Variants in ITPR2 observed in about 807,000 individuals in gnomAD.
ITPR2 encodes inositol 1,4,5-trisphosphate receptor type 2.
A neutral mutation model predicts 317.1 loss-of-function variants in ITPR2; 207 were observed. That is an observed-to-expected ratio of 0.65 (90% CI 0.58 to 0.73). The LOEUF (loss-of-function observed/expected upper bound fraction) is 0.73. ITPR2 is among the 30% of genes least tolerant of loss of function. The pLI is 0.00. For missense variants in ITPR2, 2,613 were observed against 3,284.0 expected (o/e 0.80, Z 4.99); for synonymous variants, 1,156 against 1,149.1 (o/e 1.01, Z -0.12).
At chr12:26,496,516 T>C (rs1490534664) in intron 37 of ITPR2, among the ~76,000 whole-genome samples, 1 of 152,232 alleles carries the variant, frequency 6.6e-6, no homozygotes, top group Non-Finnish European at 1.5e-5. Context: ...TCCTCCAGCC[T>C]GAACCTTGCT....
chr12:26,368,067 G>C (rs538905035), intron 55 of ITPR2, among the ~76,000 whole-genome samples: 1 of 152,300 alleles, frequency 6.6e-6, no homozygotes, highest in East Asian at 1.9e-4. Flanking sequence ...AAGACTCTTT[G>C]GGGACTATTT....
At chr12:26,441,627 G>A (rs1222798087) in intron 46 of ITPR2, among the ~76,000 whole-genome samples, 2 of 152,106 alleles carry the variant, frequency 1.3e-5, no homozygotes, top group Admixed American at 6.6e-5. Flanking sequence ...GCTGATCAAC[G>A]AGTTCATCAG....
At chr12:26,824,374 C>G (rs146905084) in intron 1 of ITPR2, among the ~76,000 whole-genome samples, 1 of 152,150 alleles carries the variant, frequency 6.6e-6, no homozygotes, top group Non-Finnish European at 1.5e-5. Context: ...ACATTTACTA[C>G]ATGAGTTAAA....
intron 45 of ITPR2, among the ~76,000 whole-genome samples, chr12:26,466,477 A>T (rs1942173883): frequency 6.6e-6 from 1 of 152,202 alleles, no homozygotes; most frequent in Non-Finnish European, 1.5e-5. Context: ...TTGTATTCTA[A>T]CAAGCTAATT....
At chr12:26,652,466 TG>T (rs1242319034) in intron 21 of ITPR2, among the ~76,000 whole-genome samples, 1 of 152,254 alleles carries the variant, frequency 6.6e-6, no homozygotes, top group African/African-American at 2.4e-5. Flanking sequence ...ATTAGGTTTC[TG>T]GTTTTGCCCT....
chr12:26,800,713 A>G (rs1391750077), intron 1 of ITPR2: 1 of 152,272 alleles, frequency 6.6e-6, no homozygotes, highest in Non-Finnish European at 1.5e-5. Flanking sequence ...ATATCTTAGA[A>G]GAAAGGTTTT....
chr12:26,641,987 G>A (rs1947001279), intron 21 of ITPR2, among the ~76,000 whole-genome samples: 1 of 152,188 alleles, frequency 6.6e-6, no homozygotes, highest in African/African-American at 2.4e-5. Context: ...CATTAAGCCA[G>A]AAAGGGCTTA....
chr12:26,432,276 T>C (rs1183487739), intron 48 of ITPR2, among the ~76,000 whole-genome samples: 1 of 152,222 alleles, frequency 6.6e-6, no homozygotes, highest in Non-Finnish European at 1.5e-5. Flanking sequence ...TTTCTTTGTC[T>C]TTCATAAGCT....
At chr12:26,633,978 C>T (rs7135760) in intron 21 of ITPR2, among the ~76,000 whole-genome samples, 50,716 of 152,050 alleles carry the variant, frequency 0.33, 9,238 homozygotes, top group East Asian at 0.62. Context: ...AATTCTTTCC[C>T]CCAAATATAG....
intron 8 of ITPR2, among the ~76,000 whole-genome samples, chr12:26,714,062 C>T (rs993502923): frequency 6.6e-6 from 1 of 152,144 alleles, no homozygotes; most frequent in Non-Finnish European, 1.5e-5. Context: ...TGTGGAGTTT[C>T]AAGATAGAAG....
intron 55 of ITPR2, among the ~76,000 whole-genome samples, chr12:26,386,768 C>T (rs954865286): frequency 3.3e-5 from 5 of 152,142 alleles, no homozygotes; most frequent in Admixed American, 1.3e-4. Context: ...TACACATATA[C>T]ACTGAAGTTG....
At chr12:26,564,368 C>G (rs1591904792) in intron 34 of ITPR2, among the ~76,000 whole-genome samples, 1 of 152,142 alleles carries the variant, frequency 6.6e-6, no homozygotes, top group East Asian at 1.9e-4. Context: ...ACATGTACAT[C>G]TCCAAATTAA....
intron 1 of ITPR2, among the ~76,000 whole-genome samples, chr12:26,824,126 C>T (rs556355996): frequency 2.0e-5 from 3 of 152,176 alleles, no homozygotes; most frequent in African/African-American, 4.8e-5. Context: ...ACCTTCTTTA[C>T]GTGTTCTCAG....
chr12:26,399,053 A>G lies in ITPR2; in HGVS notation c.7531-12T>C. ...GCAAACAAGGGCTCCTGAAATAAAA[A>G]TATTTAAAAAAATCACACTAGGCAT... is the stretch of plus-strand genomic sequence containing the variant. On this transcript the variant is annotated splice_polypyrimidine_tract_variant and intron_variant, in intron 53 of 56. Transcript: ENST00000381340. The G allele has an allele frequency of 1.3e-6, 2 of 1,557,238 alleles. No individual in the cohort carries two copies. Among genetic ancestry groups the G allele is most frequent in the South Asian group, 1.2e-5 (1 of 81,850 alleles).
intron 32 of ITPR2, among the ~76,000 whole-genome samples, chr12:26,594,345 T>A (rs1334992008): frequency 6.6e-6 from 1 of 151,912 alleles, no homozygotes; most frequent in Non-Finnish European, 1.5e-5. Flanking sequence ...CATTGTATTA[T>A]CCAAGGGTGC....
rs1941114910 is a variant in ITPR2, at chr12:26,428,068, A to C, written c.6790T>G (p.Ser2264Ala). The C allele has an allele frequency of 1.2e-6, 2 of 1,602,140 alleles. No individual in the cohort carries two copies. Among genetic ancestry groups the C allele is most frequent in the Non-Finnish European group, 1.7e-6 (2 of 1,176,222 alleles). Reference sequence around the variant, plus strand: ...GCAACTGCTATCCAAAGAAGAACCGAGAACAATGGAGAAAGTGTACCTGTA... The same window carrying C: ...GCAACTGCTATCCAAAGAAGAACCGCGAACAATGGAGAAAGTGTACCTGTA... Reference protein sequence around the residue: ...GDEGTLSPLFSVLLWIAVAIC... With the variant: ...GDEGTLSPLFAVLLWIAVAIC... Residue 2264 changes from serine to alanine, a missense_variant, in exon 49 of 57, where the codon TCG becomes GCG. By Grantham distance (99) the Ser-to-Ala change is moderately conservative (BLOSUM62 1). Coordinates refer to ENST00000381340, the MANE Select transcript of ITPR2 (RefSeq NM_002223.4).
chr12:26,746,084 C>A (rs1164252125), intron 2 of ITPR2, among the ~76,000 whole-genome samples: 3 of 151,940 alleles, frequency 2.0e-5, no homozygotes, highest in Non-Finnish European at 1.5e-5. Context: ...CATTAAATTT[C>A]TTCTAAATTA....
At chr12:26,472,686 T>A (rs376635491) in intron 45 of ITPR2, among the ~76,000 whole-genome samples, 12 of 152,220 alleles carry the variant, frequency 7.9e-5, no homozygotes, top group African/African-American at 2.7e-4. Context: ...TGTAATAAAC[T>A]CAAATTCATT....
At chr12:26,383,657 T>A (rs1939583572) in intron 55 of ITPR2, among the ~76,000 whole-genome samples, 1 of 151,226 alleles carries the variant, frequency 6.6e-6, no homozygotes, top group Non-Finnish European at 1.5e-5. Context: ...CTAATTTTTT[T>A]TTTTTTTTTT....
Sources: gnomAD v4.1 joint callset for allele counts (sites outside exome capture counted in the v4.1 genomes callset) on GRCh38, gnomAD v4.1.1 for gene constraint, MANE v1.5 for transcripts, NCBI Gene and HGNC (gene_info 2026-07-23, HGNC 2026-07-21) for gene names.